Variants in CCSER1 observed in about 807,000 individuals in gnomAD.
CCSER1 encodes the protein serine-rich coiled-coil domain-containing protein 1.
Under a neutral mutation model 82.0 loss-of-function variants are expected in CCSER1, and 41 were observed. The observed-to-expected ratio is 0.50, with a 90% CI of 0.39 to 0.65. CCSER1 has a LOEUF of 0.65. CCSER1 is among the 30% of genes least tolerant of loss of function. The pLI is 0.00. For synonymous variants in CCSER1, 414 were observed against 383.9 expected, an observed-to-expected ratio of 1.08 and a Z score of -0.92; for missense variants, 1,119 against 1,064.2, an observed-to-expected ratio of 1.05 and a Z score of -0.72.
intron 10 of CCSER1, among the ~76,000 whole-genome samples, chr4:91,280,417 C>A (rs10006439): frequency 0.3 from 44,999 of 151,942 alleles, 6,777 homozygotes; most frequent in African/African-American, 0.35. Context: ...TGGATTAGTT[C>A]CAATGCTCTC....
chr4:90,465,283 G>T (rs1421436093), intron 4 of CCSER1, among the ~76,000 whole-genome samples: 1 of 151,124 alleles, frequency 6.6e-6, no homozygotes, highest in African/African-American at 2.4e-5. Flanking sequence ...GGGATTACAG[G>T]TGTGAACCAC....
At chr4:90,632,625 A>T (rs1006002812) in intron 6 of CCSER1, among the ~76,000 whole-genome samples, 1 of 152,152 alleles carries the variant, frequency 6.6e-6, no homozygotes, top group African/African-American at 2.4e-5. Flanking sequence ...ATTCTGCTTC[A>T]GTAAACCTGT....
rs566370724 is a variant in CCSER1 at position 90,359,524 on chromosome 4, G to C, written c.1510-40512G>C. Among the ~76,000 whole-genome samples the C allele has an allele frequency of 3.2e-4, 49 of 152,102 alleles. 1 individual carries two copies. Among genetic ancestry groups the C allele is most frequent in the African/African-American group, 1.1e-3 (46 of 41,500 alleles). ...GGAGGCTGAGGTGGGTGGATCATGA[G>C]GTCAGGAGTTCAAGACCAGCCTGGC... On this transcript the variant is annotated intron_variant, in intron 3 of 10. Coordinates refer to ENST00000509176, the MANE Select transcript of CCSER1 (RefSeq NM_001145065.2).
At chr4:90,789,025 CA>C (rs1436139333) in intron 7 of CCSER1, among the ~76,000 whole-genome samples, 2 of 152,056 alleles carry the variant, frequency 1.3e-5, no homozygotes, top group Non-Finnish European at 2.9e-5. Context: ...CACACACACA[CA>C]CCATCTCAAT....
chr4:90,716,660 G>A (rs1017344252), intron 6 of CCSER1, among the ~76,000 whole-genome samples: 1 of 152,028 alleles, frequency 6.6e-6, no homozygotes. Flanking sequence ...ACAATATTCA[G>A]TACAGTAACA....
At chr4:90,242,075 G>A (rs1467858402) in intron 1 of CCSER1, among the ~76,000 whole-genome samples, 1 of 152,168 alleles carries the variant, frequency 6.6e-6, no homozygotes, top group Non-Finnish European at 1.5e-5. Flanking sequence ...TGGAAGCCGA[G>A]GTGGGCAGAT....
intron 10 of CCSER1, among the ~76,000 whole-genome samples, chr4:91,202,239 C>T (rs759042830): frequency 1.2e-4 from 18 of 151,254 alleles, no homozygotes; most frequent in Non-Finnish European, 2.5e-4. Flanking sequence ...AATCAAGCTT[C>T]GTATTTCTTA....
At chr4:90,485,689 C>A (rs1053308376) in intron 5 of CCSER1, among the ~76,000 whole-genome samples, 2 of 152,070 alleles carry the variant, frequency 1.3e-5, no homozygotes, top group Admixed American at 1.3e-4. Flanking sequence ...CTGATCCTTT[C>A]CTTTCTTCCA....
At chr4:90,469,442 A>G (rs577032823) in intron 5 of CCSER1, among the ~76,000 whole-genome samples, 2 of 152,006 alleles carry the variant, frequency 1.3e-5, no homozygotes, top group South Asian at 4.2e-4. Context: ...TTAAGTTCCA[A>G]AAGCCATTTT....
chr4:90,491,842 C>G (rs1051270296), intron 5 of CCSER1, among the ~76,000 whole-genome samples: 1 of 152,224 alleles, frequency 6.6e-6, no homozygotes, highest in South Asian at 2.1e-4. Flanking sequence ...TATGTTGAAC[C>G]AGCCTTGCAT....
chr4:91,299,327 G>T (rs547635255), intron 10 of CCSER1, among the ~76,000 whole-genome samples: 2 of 152,028 alleles, frequency 1.3e-5, no homozygotes, highest in East Asian at 3.9e-4. Context: ...TTAAAAAAAT[G>T]CAAACATTAT....
At chr4:91,249,824 A>G (rs982975871) in intron 10 of CCSER1, among the ~76,000 whole-genome samples, 1 of 152,062 alleles carries the variant, frequency 6.6e-6, no homozygotes, top group Non-Finnish European at 1.5e-5. Flanking sequence ...ATGGTTTCTC[A>G]GCTGGAACTG....
At chr4:90,395,165 T>A (rs769445440) in intron 3 of CCSER1, among the ~76,000 whole-genome samples, 13 of 152,200 alleles carry the variant, frequency 8.5e-5, no homozygotes, top group Non-Finnish European at 1.6e-4. Flanking sequence ...CCATGTGAGA[T>A]CATGTGGTAT....
chr4:90,346,699 A>G lies in CCSER1; in HGVS notation c.1509+33652A>G, dbSNP rs1742415380. ...TATGTCTGTGTTTGTGGCATGCCAC[A>G]TAAATAATGTATTACAATACTTGTA... On this transcript the variant is annotated intron_variant, in intron 3 of 10. Coordinates refer to ENST00000509176, the MANE Select transcript of CCSER1 (RefSeq NM_001145065.2). Among the ~76,000 whole-genome samples the G allele has an allele frequency of 2.0e-5, 3 of 152,284 alleles. No individual in the cohort carries two copies. The South Asian group carries it at 6.2e-4, about 32-fold the overall frequency.
intron 10 of CCSER1, among the ~76,000 whole-genome samples, chr4:91,568,465 C>T (rs1388371579): frequency 2.0e-4 from 30 of 152,158 alleles, no homozygotes; most frequent in Admixed American, 1.9e-3. Flanking sequence ...GCTTTCTACC[C>T]TTTCCTTTCT....
intron 10 of CCSER1, among the ~76,000 whole-genome samples, chr4:91,356,716 G>C (rs954876108): frequency 6.6e-5 from 10 of 152,162 alleles, no homozygotes; most frequent in African/African-American, 2.4e-4. Flanking sequence ...AAATTCCTAA[G>C]ATCACTGCAT....
chr4:91,237,461 G>T (rs555880995), intron 10 of CCSER1, among the ~76,000 whole-genome samples: 80 of 151,698 alleles, frequency 5.3e-4, no homozygotes, highest in African/African-American at 1.9e-3. Context: ...GTCCTGTCCT[G>T]CAGTCAGAAA....
chr4:91,115,144 A>G (rs1247936619), intron 10 of CCSER1, among the ~76,000 whole-genome samples: 1 of 152,188 alleles, frequency 6.6e-6, no homozygotes, highest in Non-Finnish European at 1.5e-5. Flanking sequence ...ATAATAAATT[A>G]TGTTATTTCT....
intron 9 of CCSER1, among the ~76,000 whole-genome samples, chr4:91,068,375 C>T (rs1246049396): frequency 6.6e-6 from 1 of 152,182 alleles, no homozygotes; most frequent in Non-Finnish European, 1.5e-5. Flanking sequence ...AAAATGTAAG[C>T]CACGGTACAT....
Sources: gnomAD v4.1 joint callset for allele counts (sites outside exome capture counted in the v4.1 genomes callset) on GRCh38, gnomAD v4.1.1 for gene constraint, MANE v1.5 for transcripts, NCBI Gene and HGNC (gene_info 2026-07-23, HGNC 2026-07-21) for gene names.